Variants in ANKRD36C observed in about 807,000 individuals in gnomAD.
The protein encoded by ANKRD36C is ankyrin repeat domain-containing protein 36C.
ANKRD36C carries 61 observed loss-of-function variants against 276.4 expected under a neutral mutation model. That is an observed-to-expected ratio of 0.22 (90% CI 0.18 to 0.27). The LOEUF is 0.27. ANKRD36C is among the 10% of genes least tolerant of loss of function. The pLI is 1.00. For missense variants in ANKRD36C, 1,447 were observed against 2,032.3 expected (o/e 0.71, Z 5.54); for synonymous variants, 483 against 680.1 (o/e 0.71, Z 4.51).
At chr2:95,955,758 C>T (rs1336743366) in intron 13 of ANKRD36C, among the ~76,000 whole-genome samples, 3 of 152,172 alleles carry the variant, frequency 2.0e-5, no homozygotes, top group Admixed American at 1.3e-4. Flanking sequence ...ATAATTTTCT[C>T]TCTTTGAGTT....
chr2:95,892,306 A>C lies in ANKRD36C; in HGVS notation c.2756-446T>G, dbSNP rs570554258. On this transcript the variant is annotated intron_variant, in intron 44 of 66. Transcript: ENST00000456556. ...TCATGCTCTTTAACTTGCCCAGTTA[A>C]TGAGAAGGCACACAATTACGATAAC... Among the ~76,000 whole-genome samples, 289 of 151,668 alleles carry C rather than the reference A, an allele frequency of 1.9e-3. 1 individual carries two copies. Among genetic ancestry groups the C allele is most frequent in the Middle Eastern group, 6.8e-3 (2 of 294 alleles).
chr2:95,880,692 G>C, intron 56 of ANKRD36C, 69 bp from the exon 77 acceptor site: 2 of 1,510,356 alleles, frequency 1.3e-6, no homozygotes, highest in Non-Finnish European at 1.8e-6. Context: ...CATTTGTGGA[G>C]TGTTAACATC....
intron 10 of ANKRD36C, 133 bp downstream of exon 10, chr2:95,960,340 T>C: frequency 8.2e-7 from 1 of 1,212,808 alleles, no homozygotes; most frequent in South Asian, 1.4e-5. Flanking sequence ...AAGAACTTAT[T>C]ACAAACGCAG....
At chr2:95,921,921 G>A in intron 32 of ANKRD36C, 111 bp from the exon 33 acceptor site, 1 of 1,167,802 alleles carries the variant, frequency 8.6e-7, no homozygotes, top group South Asian at 1.8e-5. Context: ...TGTAGGCTTT[G>A]ATGTTTTCTA....
chr2:95,883,269 AT>A (rs1676128409), intron 54 of ANKRD36C, among the ~76,000 whole-genome samples: 1 of 152,134 alleles, frequency 6.6e-6, no homozygotes, highest in Non-Finnish European at 1.5e-5. Context: ...AACCTTTTAC[AT>A]TTGGAAATTA....
At chr2:95,951,671 CTTTT>C (rs1558653741) in intron 14 of ANKRD36C, among the ~76,000 whole-genome samples, 1 of 152,220 alleles carries the variant, frequency 6.6e-6, no homozygotes, top group East Asian at 1.9e-4. Flanking sequence ...CCATTAGTTT[CTTTT>C]ATTAACCACA....
At chr2:95,850,919 A>T (rs925528016), downstream of ANKRD36C, among the ~76,000 whole-genome samples, 2 of 152,176 alleles carry the variant, frequency 1.3e-5, no homozygotes, top group Non-Finnish European at 2.9e-5. Flanking sequence ...GTAGGGCCAG[A>T]AAAAAAGGGA....
intron 38 of ANKRD36C, among the ~76,000 whole-genome samples, chr2:95,915,748 C>T (rs1326323875): frequency 6.6e-6 from 1 of 151,496 alleles, no homozygotes; most frequent in African/African-American, 2.4e-5. Flanking sequence ...TCTTCAACTG[C>T]TCTCCATATT....
chr2:95,991,621 G>A, exon 1 of ANKRD36C: 2 of 1,614,072 alleles, frequency 1.2e-6, no homozygotes, highest in Non-Finnish European at 1.7e-6. Flanking sequence ...AGATGATACG[G>A]TTTAATGGGG....
At chr2:95,885,969 C>A in intron 52 of ANKRD36C, 79 bp downstream of exon 72, 2 of 1,559,248 alleles carry the variant, frequency 1.3e-6, no homozygotes, top group South Asian at 1.2e-5. Flanking sequence ...CTTCAATGAA[C>A]CCCCCGCTGA....
At chr2:95,896,478 T>A (rs1676554450) in intron 44 of ANKRD36C, among the ~76,000 whole-genome samples, 1 of 149,934 alleles carries the variant, frequency 6.7e-6, no homozygotes, top group Non-Finnish European at 1.5e-5. Context: ...TCTAAAGAAG[T>A]CTCATTAAAT....
intron 36 of ANKRD36C, among the ~76,000 whole-genome samples, chr2:95,917,075 T>C (rs1380719505): frequency 6.6e-6 from 1 of 151,710 alleles, no homozygotes; most frequent in Admixed American, 6.6e-5. Context: ...AGCTATTGTA[T>C]CCAAGACGTA....
intron 17 of ANKRD36C, among the ~76,000 whole-genome samples, chr2:95,947,725 G>C (rs1038317683): frequency 6.6e-6 from 1 of 152,088 alleles, no homozygotes; most frequent in African/African-American, 2.4e-5. Context: ...ATTAGATAAA[G>C]AGTTTAAAGT....
Position 95,910,526 on chromosome 2 carries a change from G to A in ANKRD36C, c.2653+1718C>T. On this transcript the variant is annotated intron_variant, in intron 42 of 66. Transcript: ENST00000456556. ...ACATTAACTCGTTCACAATATAAATGAGAGTTTCATTACCTTCAAGGCTGG... is the reference window on the plus strand; with the variant it reads ...ACATTAACTCGTTCACAATATAAATAAGAGTTTCATTACCTTCAAGGCTGG... The A allele has an allele frequency of 6.2e-7, 1 of 1,606,396 alleles. No individual in the cohort carries two copies. Among genetic ancestry groups the A allele is most frequent in the Non-Finnish European group, 8.5e-7 (1 of 1,176,600 alleles).
chr2:95,956,616 C>G (rs372228922), intron 13 of ANKRD36C, among the ~76,000 whole-genome samples, 170 bp downstream of exon 13: 1 of 152,086 alleles, frequency 6.6e-6, no homozygotes, highest in Admixed American at 6.6e-5. Flanking sequence ...AGTAAAAAAG[C>G]AATAATAGCA....
chr2:95,926,777 G>T (rs905071243), intron 28 of ANKRD36C, among the ~76,000 whole-genome samples: 1 of 151,514 alleles, frequency 6.6e-6, no homozygotes, highest in African/African-American at 2.4e-5. Flanking sequence ...CTTCCTTGAG[G>T]AAAGTCATTG....
chr2:95,986,572 T>C (rs1389417008), intron 3 of ANKRD36C, 179 bp downstream of exon 3: 26 of 814,774 alleles, frequency 3.2e-5, no homozygotes, highest in Non-Finnish European at 3.9e-5. Flanking sequence ...CTGTTCCTTA[T>C]AATGCTTCTT....
chr2:95,947,084 T>C (rs1029607638), intron 17 of ANKRD36C, among the ~76,000 whole-genome samples: 2 of 151,324 alleles, frequency 1.3e-5, no homozygotes, highest in Non-Finnish European at 3.0e-5. Context: ...CTGAAAAATA[T>C]GTATTTAATA....
At chr2:95,882,247 G>A in intron 56 of ANKRD36C, 55 bp downstream of exon 76, 1 of 1,544,672 alleles carries the variant, frequency 6.5e-7, no homozygotes, top group Non-Finnish European at 8.8e-7. Context: ...TCAGGGGTGG[G>A]ACATTGTCTT....
Sources: gnomAD v4.1 joint callset for allele counts (sites outside exome capture counted in the v4.1 genomes callset) on GRCh38, gnomAD v4.1.1 for gene constraint, MANE v1.5 for transcripts, NCBI Gene and HGNC (gene_info 2026-07-23, HGNC 2026-07-21) for gene names.